PTPRC: variants seen among roughly 807,000 people sequenced by gnomAD.
PTPRC encodes receptor-type tyrosine-protein phosphatase C.
Under a neutral mutation model 155.9 loss-of-function variants are expected in PTPRC, and 44 were observed. The ratio of observed to expected loss-of-function variants is 0.28; its 90% CI spans 0.22 to 0.36. PTPRC has a LOEUF of 0.36. Among genes scored for constraint, PTPRC ranks in the 10% least tolerant of loss-of-function variants. PTPRC has a pLI of 1.00. For missense variants in PTPRC, 1,401 were observed against 1,564.6 expected, an observed-to-expected ratio of 0.90 and a Z score of 1.76; for synonymous variants, 525 against 533.1, an observed-to-expected ratio of 0.98 and a Z score of 0.21.
chr1:198,676,620 A>G (rs1664968833), intron 2 of PTPRC, among the ~76,000 whole-genome samples: 1 of 152,140 alleles, frequency 6.6e-6, no homozygotes, highest in South Asian at 2.1e-4. Context: ...TCATTGGAAA[A>G]TCACTTCTTG....
chr1:198,696,436 T>C (rs1666207515), intron 3 of PTPRC, among the ~76,000 whole-genome samples: 2 of 152,084 alleles, frequency 1.3e-5, no homozygotes, highest in Admixed American at 6.6e-5. Context: ...TTAGCTAATG[T>C]TCTGTAGCTT....
chr1:198,728,997 TCTC>T (rs1359170253), intron 16 of PTPRC, 137 bp from the exon 17 acceptor site: 4 of 891,848 alleles, frequency 4.5e-6, no homozygotes, highest in East Asian at 3.1e-5. Flanking sequence ...CCTTTCCTCT[TCTC>T]CTCTCCTCTC....
At chr1:198,729,487 C>A (rs1654292424) in intron 17 of PTPRC, among the ~76,000 whole-genome samples, 1 of 152,134 alleles carries the variant, frequency 6.6e-6, no homozygotes, top group Admixed American at 6.6e-5. Context: ...AAGTAATCCA[C>A]CCACCTTGGC....
Position 198,756,070 on chromosome 1 carries a change from G to C in PTPRC, c.3810G>C (p.Lys1270Asn). The change falls in exon 33 of 33, where the codon AAG becomes AAC. Residue 1270 changes from lysine (K) to asparagine (N), a missense_variant. This residue lies in a region of PTPRC where 400 missense variants were observed against 389.5 expected (regional missense o/e 1.03). Transcript: ENST00000442510. ...TTAATCCACTTGGTGCCCCAGAAAA[G>C]CTCCCTGAAGCAAAGGAACAGGCTG... Reference protein sequence around the residue: ...NCVNPLGAPEKLPEAKEQAEG... With the variant: ...NCVNPLGAPENLPEAKEQAEG... 6.2e-7 allele frequency: 1 copy of C among 1,613,462 alleles called. No homozygotes were observed. The highest frequency in any genetic ancestry group is 8.5e-7 in the Non-Finnish European group (1 of 1,179,672).
At chr1:198,698,979 T>C (rs1472536425) in intron 4 of PTPRC, among the ~76,000 whole-genome samples, 1 of 152,222 alleles carries the variant, frequency 6.6e-6, no homozygotes, top group Non-Finnish European at 1.5e-5. Context: ...TGTGAGATTG[T>C]TTCCACATGT....
Position 198,706,895 on chromosome 1 carries a change from A to C in PTPRC, c.847A>C (p.Ile283Leu). Residue 283 changes from isoleucine (I) to leucine (L), a missense_variant, in exon 9 of 33, where the codon ATA becomes CTA. By Grantham distance (5) the Ile-to-Leu change is conservative. Around this residue, in one of 3 missense-constraint regions of PTPRC, gnomAD observed 867 missense variants for 970.4 expected, o/e 0.89. Transcript: ENST00000442510. ...LTECKNASVS[I>L]SHNSCTAPDK... Reference sequence around the variant, plus strand: ...AGAATGTAAAAATGCGTCTGTTTCCATATCTCATAATTCATGTACTGCTCC... The same window carrying C: ...AGAATGTAAAAATGCGTCTGTTTCCCTATCTCATAATTCATGTACTGCTCC... 1 of 1,613,432 alleles carries C rather than the reference A, an allele frequency of 6.2e-7. No homozygotes were observed. Among genetic ancestry groups the C allele is most frequent in the Non-Finnish European group, 8.5e-7 (1 of 1,179,394 alleles).
intron 11 of PTPRC, chr1:198,712,707 G>T: frequency 2.0e-6 from 1 of 494,554 alleles, no homozygotes; most frequent in Non-Finnish European, 3.6e-6. Context: ...GGAAGAGGGG[G>T]TTCTTAGATA....
intron 2 of PTPRC, among the ~76,000 whole-genome samples, chr1:198,691,963 G>A (rs995927376): frequency 6.6e-6 from 1 of 151,962 alleles, no homozygotes; most frequent in Admixed American, 6.6e-5. Context: ...CTAGCATGTG[G>A]CATAATGTCT....
Position 198,756,226 on chromosome 1 carries a change from A to ATT in PTPRC, c.*47_*48dup. On this transcript the variant is annotated 3_prime_UTR_variant, in exon 33 of 33. Transcript: ENST00000442510. Reference sequence around the variant, plus strand: ...AACTCCAAACCTCCTGTTAGCTGTTATTTCTATTTTTGTAGAAGTAGGAAG... The same window carrying ATT: ...AACTCCAAACCTCCTGTTAGCTGTTATTTTTCTATTTTTGTAGAAGTAGGAAG... The ATT allele has an allele frequency of 6.2e-7, 1 of 1,608,638 alleles. No homozygotes were observed. Among genetic ancestry groups the ATT allele is most frequent in the Non-Finnish European group, 8.5e-7 (1 of 1,176,430 alleles).
At chr1:198,642,232 A>G (rs1662624633) in intron 2 of PTPRC, among the ~76,000 whole-genome samples, 1 of 152,042 alleles carries the variant, frequency 6.6e-6, no homozygotes, top group Non-Finnish European at 1.5e-5. Flanking sequence ...TCCTCTCACC[A>G]GTGACAATTA....
At chr1:198,665,552 G>A (rs1463478017) in intron 2 of PTPRC, among the ~76,000 whole-genome samples, 1 of 152,104 alleles carries the variant, frequency 6.6e-6, no homozygotes, top group African/African-American at 2.4e-5. Flanking sequence ...GCAGGTCCCC[G>A]TGGTTGTCTG....
chr1:198,732,662 C>CAT, intron 20 of PTPRC, 106 bp downstream of exon 20: 1 of 875,748 alleles, frequency 1.1e-6, no homozygotes, highest in East Asian at 2.7e-5. Context: ...GAAGTGAGCC[C>CAT]ATATGTCACT....
chr1:198,724,122 G>A (rs1654017970), intron 15 of PTPRC, among the ~76,000 whole-genome samples: 2 of 152,100 alleles, frequency 1.3e-5, no homozygotes, highest in Non-Finnish European at 2.9e-5. Flanking sequence ...CCAGGTCAAC[G>A]GAGCCAAAAA....
chr1:198,676,867 A>ATCATAGAAG (rs1345969619), intron 2 of PTPRC, among the ~76,000 whole-genome samples: 1 of 152,194 alleles, frequency 6.6e-6, no homozygotes, highest in Non-Finnish European at 1.5e-5. Flanking sequence ...AAGTTGCATG[A>ATCATAGAAG]TCATAGAAGA....
At chr1:198,654,277 G>A (rs546585764) in intron 2 of PTPRC, among the ~76,000 whole-genome samples, 39 of 151,838 alleles carry the variant, frequency 2.6e-4, no homozygotes, top group Middle Eastern at 3.4e-3. Context: ...AATAACAGTG[G>A]CACATGGGTC....
chr1:198,751,355 C>A (rs561928475), intron 29 of PTPRC, among the ~76,000 whole-genome samples: 2 of 151,022 alleles, frequency 1.3e-5, no homozygotes, highest in African/African-American at 4.9e-5. Flanking sequence ...GGTGGTAGAT[C>A]TCACTCAGCT....
At chr1:198,709,635 G>T in intron 10 of PTPRC, 52 bp from the exon 11 acceptor site, 1 of 1,385,134 alleles carries the variant, frequency 7.2e-7, no homozygotes, top group South Asian at 1.4e-5. Context: ...AAATAAATGT[G>T]TGCGTGAAAT....
intron 8 of PTPRC, 75 bp downstream of exon 8, chr1:198,704,573 C>T: frequency 2.5e-6 from 4 of 1,612,162 alleles, no homozygotes; most frequent in Non-Finnish European, 3.4e-6. Context: ...TTATTCCAAG[C>T]TTTCAGGACC....
intron 3 of PTPRC, chr1:198,692,696 TAAC>T: frequency 2.2e-6 from 2 of 929,368 alleles, no homozygotes; most frequent in Non-Finnish European, 2.6e-6. Context: ...TTAAATTAGA[TAAC>T]AAAATTTTAT....
Sources: allele counts gnomAD v4.1 joint callset (sites outside exome capture counted in the v4.1 genomes callset), GRCh38; gene constraint gnomAD v4.1.1; regional missense constraint gnomAD v4.1.1; transcripts MANE v1.5; gene names NCBI Gene and HGNC (gene_info 2026-07-23, HGNC 2026-07-21).